Variants in MEGF6 observed in about 807,000 individuals in gnomAD.
The protein encoded by MEGF6 is multiple EGF like domains 6, also known as multiple epidermal growth factor-like domains protein 6.
In MEGF6, 184 loss-of-function variants were observed where a neutral mutation model predicts 207.1. The observed-to-expected ratio is 0.89, with a 90% confidence interval of 0.79 to 1.00. The LOEUF (loss-of-function observed/expected upper bound fraction) is 1.00. MEGF6 is among the 50% of genes least tolerant of loss of function. The pLI is 0.00. For synonymous variants in MEGF6, 1,038 were observed against 910.0 expected, an observed-to-expected ratio of 1.14 and a Z score of -2.53; for missense variants, 2,282 against 2,202.9, an observed-to-expected ratio of 1.04 and a Z score of -0.72.
At chr1:3,509,758 A>T in intron 11 of MEGF6, 112 bp downstream of exon 11, 2 of 1,381,646 alleles carry the variant, frequency 1.4e-6, no homozygotes, top group Non-Finnish European at 1.9e-6. Flanking sequence ...CCAGGGGGCA[A>T]AGGACCCCAG....
In MEGF6 at chr1:3,515,509, AG is replaced by A. The variant is rs1296237331; in HGVS notation, c.622del (p.Leu208TrpfsTer69). On this transcript the variant is annotated frameshift_variant, in exon 6 of 37. Transcript: ENST00000356575. LOFTEE classifies it high-confidence loss of function. ...GTGGTGCTGGCAGCCGCCATTGCCC[AG>A]GGCGCAGGAGTTAATGGCTGGGGAC... ...RTCLAINSCA[L>X]GNGGCQHHCV... 3.1e-6 allele frequency: 5 copies of A among 1,612,386 alleles called. No homozygotes were observed. Among genetic ancestry groups the A allele is most frequent in the Non-Finnish European group, 4.2e-6 (5 of 1,179,714 alleles).
upstream of MEGF6, among the ~76,000 whole-genome samples, chr1:3,613,205 C>T (rs973629384): frequency 1.3e-5 from 2 of 152,206 alleles, no homozygotes; most frequent in Non-Finnish European, 2.9e-5. Context: ...TCTCACCCAC[C>T]CCCACTGACC....
At chr1:3,549,710 C>T (rs1408740630) in intron 4 of MEGF6, among the ~76,000 whole-genome samples, 1 of 152,214 alleles carries the variant, frequency 6.6e-6, no homozygotes, top group African/African-American at 2.4e-5. Flanking sequence ...GGGCTATGGG[C>T]GTCACTTATG....
rs574806796 is a variant in MEGF6, at chr1:3,605,559, CAT to C, written c.132-2961_132-2960del. On this transcript the variant is annotated intron_variant, in intron 1 of 36. Transcript: ENST00000356575. The stretch of plus-strand genomic sequence containing the variant: ...ACAATCACACATATTCTCATACACT[CAT>C]ACACTCACATACACACACATACACT... Among the ~76,000 whole-genome samples, 103 of 57,028 alleles carry C rather than the reference CAT, an allele frequency of 1.8e-3. 3 individuals carry two copies. Among genetic ancestry groups the C allele is most frequent in the African/African-American group, 6.9e-3 (99 of 14,332 alleles). 37.4% of individuals were successfully genotyped at this position (57,028 alleles called of 152,430 possible). A position where few individuals can be genotyped will look rare whatever the true frequency, so the allele number is the denominator to read the frequency against.
chr1:3,506,293 TCCC>T (rs1189248088), intron 14 of MEGF6, 57 bp from the exon 15 acceptor site: 3 of 1,578,190 alleles, frequency 1.9e-6, no homozygotes, highest in South Asian at 1.1e-5. Flanking sequence ...CCACATGTGG[TCCC>T]CCCATGTGGT....
intron 1 of MEGF6, among the ~76,000 whole-genome samples, chr1:3,610,473 CCCT>C (rs879724888): frequency 0.045 from 6,593 of 145,050 alleles, 448 homozygotes; most frequent in African/African-American, 0.15. Flanking sequence ...CCAGCGACTC[CCCT>C]CCTCCTCCTC....
rs752184096 is a variant in MEGF6, at chr1:3,611,200, G to GAGC, written c.66_68dup (p.Leu23dup). The GAGC allele has an allele frequency of 2.3e-3, 3,611 of 1,557,598 alleles. 10 individuals carry two copies. Among genetic ancestry groups the GAGC allele is most frequent in the Non-Finnish European group, 2.7e-3 (3,096 of 1,162,182 alleles). The stretch of plus-strand genomic sequence containing the variant: ...CGCTGGCGCCCACGGGCACGGCGGG[G>GAGC]AGCAGCAGCAGCACCAACGCCAGGA... On this transcript the variant is annotated inframe_insertion, in exon 1 of 37. Coordinates refer to ENST00000356575, the MANE Select transcript of MEGF6 (RefSeq NM_001409.4).
intron 4 of MEGF6, among the ~76,000 whole-genome samples, chr1:3,529,395 G>A (rs1642072208): frequency 6.6e-6 from 1 of 152,230 alleles, no homozygotes; most frequent in Admixed American, 6.5e-5. Flanking sequence ...TCCAGCCCCA[G>A]GCCAAGCCCC....
Position 3,494,492 on chromosome 1 carries a change from G to C in MEGF6, c.4008C>G (p.Pro1336=). ...GGCAGGCGGCTCCGTAGCGCCCAGGGGGACAGGCTGGGGACAGGGCAGGGT... is the reference window on the plus strand; with the variant it reads ...GGCAGGCGGCTCCGTAGCGCCCAGGCGGACAGGCTGGGGACAGGGCAGGGT... ...WTGRHCELAC[P]PGRYGAACHL... The change falls in exon 32 of 37, where the codon CCC becomes CCG. Residue 1336 remains proline, a synonymous_variant. Coordinates refer to ENST00000356575, the MANE Select transcript of MEGF6 (RefSeq NM_001409.4). The C allele has an allele frequency of 6.3e-7, 1 of 1,590,052 alleles. No homozygotes were observed. The highest frequency in any genetic ancestry group is 8.5e-7 in the Non-Finnish European group (1 of 1,172,010).
At chr1:3,608,849 G>A (rs1644288152) in intron 1 of MEGF6, among the ~76,000 whole-genome samples, 2 of 152,152 alleles carry the variant, frequency 1.3e-5, no homozygotes, top group African/African-American at 4.8e-5. Context: ...TCCTCATAGT[G>A]GAAATTCACT....
rs552453470 is a variant in MEGF6, at chr1:3,589,188, C to T, written c.376+6150G>A. Among the ~76,000 whole-genome samples, 12 of 152,184 alleles carry T rather than the reference C, an allele frequency of 7.9e-5. No homozygotes were observed. The East Asian group carries it at 1.5e-3, about 20-fold the overall frequency. ...CGAGGCGTCTACAACCACGGAACGC[C>T]GCGGAAGCTGGAAGAGATAGGAAGG... On this transcript the variant is annotated intron_variant, in intron 3 of 36. Coordinates refer to ENST00000356575, the MANE Select transcript of MEGF6 (RefSeq NM_001409.4).
rs59799522 is a variant in MEGF6 at position 3,559,522 on chromosome 1, T to TAA, written c.481+20301_481+20302dup. ...GGACAAAGAGCTAGACCTTGTCTCT[T>TAA]AAAAAAAAAAAAAAAAAAAAAAAAA... On this transcript the variant is annotated intron_variant, in intron 4 of 36. Coordinates refer to ENST00000356575, the MANE Select transcript of MEGF6 (RefSeq NM_001409.4). Among the ~76,000 whole-genome samples, 540 of 105,496 alleles carry TAA rather than the reference T, an allele frequency of 5.1e-3. 2 individuals are homozygous for TAA. Among genetic ancestry groups the TAA allele is most frequent in the Non-Finnish European group, 7.7e-3 (413 of 53,770 alleles). The allele number at this position is 105,496 out of a possible 152,430, so 69.2% of individuals were successfully genotyped here.
rs553962289 is a variant in MEGF6, at chr1:3,511,186, T to C, written c.1115-284A>G. On this transcript the variant is annotated intron_variant, in intron 9 of 36. Coordinates refer to ENST00000356575, the MANE Select transcript of MEGF6 (RefSeq NM_001409.4). ...ACCCGCCTGTCTGCTGTGGACAAGG[T>C]GTTGGGACTGGGGCTAGAGGGTGGG... Among the ~76,000 whole-genome samples, 17 of 152,294 alleles carry C rather than the reference T, an allele frequency of 1.1e-4. No individual in the cohort carries two copies. In the South Asian group the frequency reaches 3.5e-3, roughly 32 times the overall value.
intron 4 of MEGF6, among the ~76,000 whole-genome samples, chr1:3,576,816 C>A (rs1164187300): frequency 2.7e-5 from 4 of 149,582 alleles, no homozygotes; most frequent in African/African-American, 4.9e-5. Context: ...GCAGGCCTGG[C>A]CCTGCACATC....
chr1:3,499,743 G>A (rs1640773218), intron 22 of MEGF6, 27 bp from the exon 23 acceptor site: 1 of 1,598,464 alleles, frequency 6.3e-7, no homozygotes, highest in Non-Finnish European at 8.5e-7. Context: ...GTGATGTGGA[G>A]GGGCCCACAC....
At position 3,496,842 on chromosome 1, in the gene MEGF6, A is replaced by C. The variant is rs1316674987; in HGVS notation, c.3614-59T>G. The C allele has an allele frequency of 2.6e-6, 4 of 1,535,854 alleles. No individual in the cohort carries two copies. The African/African-American group carries it at 5.5e-5, about 21-fold the overall frequency. On this transcript the variant is annotated intron_variant, in intron 28 of 36. Coordinates refer to ENST00000356575, the MANE Select transcript of MEGF6 (RefSeq NM_001409.4). ...GCTGGAGGCTTCCCCAGTGCCCCTG[A>C]ACACAGCAAGGCAGCTCTCATGAGA...
At chr1:3,623,444 C>T in the MEGF6 span, 1 of 152,292 alleles carries the variant, frequency 6.6e-6, no homozygotes, top group African/African-American at 2.4e-5. Context: ...CTGTAGGTCC[C>T]TCTGGCAGGT....
intron 5 of MEGF6, 90 bp from the exon 6 acceptor site, chr1:3,515,617 G>A (rs1641515258): frequency 1.3e-6 from 2 of 1,499,106 alleles, no homozygotes; most frequent in South Asian, 1.2e-5. Context: ...GAGTGGCATG[G>A]CCACTTCTTC....
the MEGF6 span, among the ~76,000 whole-genome samples, chr1:3,619,704 T>C: frequency 1.3e-5 from 2 of 152,212 alleles, no homozygotes; most frequent in Admixed American, 6.5e-5. Flanking sequence ...GGTGAGTCAA[T>C]TGAACCTCTT....
Sources: allele counts gnomAD v4.1 joint callset (sites outside exome capture counted in the v4.1 genomes callset), GRCh38; gene constraint gnomAD v4.1.1; transcripts MANE v1.5; gene names NCBI Gene and HGNC (gene_info 2026-07-23, HGNC 2026-07-21).